FER: variants seen among roughly 807,000 people sequenced by gnomAD.
The protein encoded by FER is FER tyrosine kinase.
In FER, 63 loss-of-function variants were observed where a neutral mutation model predicts 111.0. That is an observed-to-expected ratio of 0.57 (90% CI 0.46 to 0.70). The LOEUF (loss-of-function observed/expected upper bound fraction) is 0.70, where lower values mean the gene tolerates loss of function less well. FER is among the 30% of genes least tolerant of loss of function. The pLI, the probability that FER is intolerant of heterozygous loss-of-function variation, is 0.00. For missense variants in FER, 914 were observed against 954.0 expected, an observed-to-expected ratio of 0.96 and a Z score of 0.55; for synonymous variants, 327 against 313.9, an observed-to-expected ratio of 1.04 and a Z score of -0.44.
intron 2 of FER, among the ~76,000 whole-genome samples, chr5:108,782,984 T>C (rs1754265715): frequency 2.0e-5 from 3 of 152,222 alleles, no homozygotes; most frequent in African/African-American, 7.2e-5. Context: ...TTCTGTCTTC[T>C]ACTAATAGTA....
chr5:108,959,187 G>A, intron 12 of FER, 38 bp from the exon 13 acceptor site: 1 of 1,583,788 alleles, frequency 6.3e-7, no homozygotes, highest in South Asian at 1.2e-5. Flanking sequence ...CTAAAGCAAT[G>A]TCTTCACATT....
intron 17 of FER, among the ~76,000 whole-genome samples, chr5:109,175,755 TC>T (rs1406367544): frequency 2.7e-4 from 41 of 152,248 alleles, no homozygotes; most frequent in African/African-American, 9.6e-4. Context: ...TCAACACTAA[TC>T]ATTATGGAAA....
At chr5:109,094,451 T>C (rs1240969891) in intron 16 of FER, among the ~76,000 whole-genome samples, 7 of 152,170 alleles carry the variant, frequency 4.6e-5, no homozygotes, top group Non-Finnish European at 1.0e-4. Context: ...AGATTTGGAA[T>C]GCTCGACCAA....
intron 5 of FER, chr5:108,842,943 C>G (rs778461080): frequency 6.6e-6 from 1 of 152,350 alleles, no homozygotes; most frequent in South Asian, 2.1e-4. Context: ...AAGATACATG[C>G]ACATGCATGT....
At chr5:108,833,056 A>C in intron 4 of FER, 113 bp downstream of exon 4, 1 of 871,972 alleles carries the variant, frequency 1.1e-6, no homozygotes, top group Non-Finnish European at 1.7e-6. Context: ...AACAAGAAAT[A>C]GGTTTATGGT....
At chr5:109,105,485 C>G (rs1582051615) in intron 17 of FER, among the ~76,000 whole-genome samples, 1 of 151,900 alleles carries the variant, frequency 6.6e-6, no homozygotes, top group Non-Finnish European at 1.5e-5. Flanking sequence ...AAAATAAAGA[C>G]AAAATAAATA....
intron 16 of FER, among the ~76,000 whole-genome samples, chr5:109,060,440 CT>C (rs1774244219): frequency 6.6e-6 from 1 of 152,034 alleles, no homozygotes; most frequent in African/African-American, 2.4e-5. Flanking sequence ...TAAAATAATA[CT>C]TTGGGAGGCT....
chr5:108,924,862 C>A, intron 10 of FER: 1 of 1,098,184 alleles, frequency 9.1e-7, no homozygotes, highest in Non-Finnish European at 1.2e-6. Context: ...AGCAGGTCAT[C>A]TATTTTATGC....
At chr5:108,827,355 CTG>C (rs1561477162) in intron 3 of FER, among the ~76,000 whole-genome samples, 3 of 152,274 alleles carry the variant, frequency 2.0e-5, no homozygotes, top group African/African-American at 7.2e-5. Context: ...GGGTTTCTAA[CTG>C]TGAGCAATCA....
chr5:108,891,380 C>T (rs1387086686), intron 9 of FER: 2 of 151,986 alleles, frequency 1.3e-5, no homozygotes, highest in Non-Finnish European at 2.9e-5. Flanking sequence ...TTTATCTTCT[C>T]AAGAGACAGG....
In FER at chr5:109,070,909, T is replaced by A. The variant is rs150724366; in HGVS notation, c.1924+23711T>A. Reference sequence around the variant, plus strand: ...TGTATCTTTTGCTGAAAATGGACATTTTTTAAAAATAAATGATTCATCTAT... The same window carrying A: ...TGTATCTTTTGCTGAAAATGGACATATTTTAAAAATAAATGATTCATCTAT... On this transcript the variant is annotated intron_variant, in intron 16 of 19. Transcript: ENST00000281092. Among the ~76,000 whole-genome samples, 881 of 152,076 alleles carry A rather than the reference T, an allele frequency of 5.8e-3. 6 individuals carry two copies. The highest frequency in any genetic ancestry group is 0.02 in the African/African-American group (841 of 41,538).
intron 11 of FER, among the ~76,000 whole-genome samples, chr5:108,947,701 T>A (rs1757167145): frequency 6.6e-6 from 1 of 151,956 alleles, no homozygotes; most frequent in African/African-American, 2.4e-5. Flanking sequence ...GAGCAATTTA[T>A]TTTTTCCTTG....
chr5:108,978,458 C>T (rs1022782233), intron 13 of FER, among the ~76,000 whole-genome samples: 2 of 152,184 alleles, frequency 1.3e-5, no homozygotes, highest in Admixed American at 6.5e-5. Flanking sequence ...ATATTTTGGG[C>T]ATCAATTCTG....
intron 17 of FER, among the ~76,000 whole-genome samples, chr5:109,120,298 G>A (rs1199814702): frequency 6.6e-6 from 1 of 151,994 alleles, no homozygotes; most frequent in Non-Finnish European, 1.5e-5. Flanking sequence ...AGAGATATGG[G>A]TTTAGTTTCA....
At chr5:108,991,776 A>G (rs1763206902) in intron 13 of FER, among the ~76,000 whole-genome samples, 1 of 152,078 alleles carries the variant, frequency 6.6e-6, no homozygotes, top group South Asian at 2.1e-4. Flanking sequence ...CTCTCAAGAT[A>G]TAACTTAGCC....
chr5:108,808,722 A>G (rs1273820082), intron 3 of FER, among the ~76,000 whole-genome samples: 1 of 151,864 alleles, frequency 6.6e-6, no homozygotes, highest in Non-Finnish European at 1.5e-5. Context: ...GGTAGCAGGT[A>G]TTTTCGTTGT....
At chr5:108,969,007 T>A (rs1760273361) in intron 13 of FER, among the ~76,000 whole-genome samples, 2 of 152,144 alleles carry the variant, frequency 1.3e-5, no homozygotes, top group South Asian at 4.1e-4. Context: ...AGCATAAATT[T>A]AAAATTTAAT....
chr5:108,843,148 A>G (rs1761450568), intron 5 of FER: 2 of 152,208 alleles, frequency 1.3e-5, no homozygotes, highest in African/African-American at 2.4e-5. Flanking sequence ...GCTCCCACAC[A>G]TCAGTGAGAA....
intron 17 of FER, among the ~76,000 whole-genome samples, chr5:109,108,994 C>T (rs1425732461): frequency 6.6e-6 from 1 of 151,990 alleles, no homozygotes; most frequent in African/African-American, 2.4e-5. Flanking sequence ...CTTTTCAGTC[C>T]CAGGCTTCTC....
Sources: gnomAD v4.1 joint callset for allele counts (sites outside exome capture counted in the v4.1 genomes callset) on GRCh38, gnomAD v4.1.1 for gene constraint, MANE v1.5 for transcripts, NCBI Gene and HGNC (gene_info 2026-07-23, HGNC 2026-07-21) for gene names.